IGDCC3: variants seen among roughly 807,000 people sequenced by gnomAD.
The protein encoded by IGDCC3 is putative neuronal cell adhesion molecule.
In IGDCC3, 47 loss-of-function variants were observed where a neutral mutation model predicts 72.0. The observed-to-expected ratio is 0.65, with a 90% CI of 0.52 to 0.83. The LOEUF (loss-of-function observed/expected upper bound fraction) is 0.83, where lower values mean the gene tolerates loss of function less well. IGDCC3 is among the 40% of genes least tolerant of loss of function. IGDCC3 has a pLI of 0.00. For synonymous variants in IGDCC3, 477 were observed against 472.8 expected, an observed-to-expected ratio of 1.01 and a Z score of -0.11; for missense variants, 1,038 against 1,091.3, an observed-to-expected ratio of 0.95 and a Z score of 0.69.
Position 65,351,395 on chromosome 15 carries a change from A to G in IGDCC3, c.410-15439T>C, listed in dbSNP as rs190509459. ...TAAAAATACAAAAAATTAGCTGGGT[A>G]TGGTGGCGGGTGCCTGTAGTCCCAG... On this transcript the variant is annotated intron_variant, in intron 2 of 13. Coordinates refer to ENST00000327987, the MANE Select transcript of IGDCC3 (RefSeq NM_004884.4). Among the ~76,000 whole-genome samples the G allele has an allele frequency of 4.5e-3, 683 of 152,204 alleles. 1 individual carries two copies. The highest frequency in any genetic ancestry group is 5.9e-3 in the Admixed American group (90 of 15,290).
At chr15:65,364,367 C>A (rs1172148395) in intron 2 of IGDCC3, among the ~76,000 whole-genome samples, 1 of 152,166 alleles carries the variant, frequency 6.6e-6, no homozygotes, top group Non-Finnish European at 1.5e-5. Flanking sequence ...TAAATTAGCA[C>A]ACAAAGGGCC....
At chr15:65,360,136 C>T (rs538932660) in intron 2 of IGDCC3, among the ~76,000 whole-genome samples, 2 of 152,334 alleles carry the variant, frequency 1.3e-5, no homozygotes, top group South Asian at 4.1e-4. Context: ...TCTTCTGATT[C>T]CCTCCACCCC....
intron 2 of IGDCC3, among the ~76,000 whole-genome samples, chr15:65,353,066 C>T (rs2091184038): frequency 6.6e-6 from 1 of 152,114 alleles, no homozygotes; most frequent in South Asian, 2.1e-4. Flanking sequence ...CAGCTTGGTT[C>T]CAATAGTTGC....
chr15:65,339,575 A>G lies in IGDCC3; in HGVS notation c.410-3619T>C, dbSNP rs187414172. 1.6e-4 allele frequency among the ~76,000 whole-genome samples: 25 copies of G among 152,294 alleles called. No individual in the cohort carries two copies. Among genetic ancestry groups the G allele is most frequent in the African/African-American group, 6.0e-4 (25 of 41,566 alleles). ...GCCAGCAGGCCACAGAGCCGGGTGG[A>G]CTGTCCCTCATTATGTCTCTCTAGG... On this transcript the variant is annotated intron_variant, in intron 2 of 13. Transcript: ENST00000327987. This position sits in a 1 kb window ranked among gnomAD's most constrained non-coding sequence, Gnocchi z 4.1.
Position 65,328,771 on chromosome 15 carries a change from A to G in IGDCC3, c.*138T>C. The stretch of plus-strand genomic sequence containing the variant: ...CCTGTCAAGGCTGCCTTGGGTTTTG[A>G]CAACCCAAGAGGCAGTCAGGATAGA... On this transcript the variant is annotated 3_prime_UTR_variant, in exon 14 of 14. Coordinates refer to ENST00000327987, the MANE Select transcript of IGDCC3 (RefSeq NM_004884.4). 8.6e-7 allele frequency: 1 copy of G among 1,156,768 alleles called. No individual in the cohort carries two copies. The highest frequency in any genetic ancestry group is 1.2e-6 in the Non-Finnish European group (1 of 866,108). 71.7% of individuals were successfully genotyped at this position (1,156,768 alleles called of 1,614,324 possible).
chr15:65,340,789 T>G (rs2091073886), intron 2 of IGDCC3, among the ~76,000 whole-genome samples: 5 of 152,196 alleles, frequency 3.3e-5, no homozygotes, highest in Admixed American at 3.3e-4. Context: ...AGTGCAGTGG[T>G]GAGATCTCAG....
intron 2 of IGDCC3, among the ~76,000 whole-genome samples, chr15:65,358,806 T>C (rs1057288618): frequency 6.6e-6 from 1 of 152,030 alleles, no homozygotes; most frequent in Non-Finnish European, 1.5e-5. Flanking sequence ...AAAAGTGCTT[T>C]GATTTAGTTT....
chr15:65,346,584 G>A (rs990772318), intron 2 of IGDCC3, among the ~76,000 whole-genome samples: 5 of 152,130 alleles, frequency 3.3e-5, no homozygotes, highest in Non-Finnish European at 7.4e-5. Flanking sequence ...AGCCTCCCGA[G>A]TAGCTGGGAT....
intron 2 of IGDCC3, among the ~76,000 whole-genome samples, chr15:65,372,178 T>G (rs757169479): frequency 6.6e-6 from 1 of 152,188 alleles, no homozygotes; most frequent in Non-Finnish European, 1.5e-5. Context: ...CAGTGCTTCC[T>G]GCGTGCCAGG....
intron 4 of IGDCC3, 107 bp downstream of exon 4, chr15:65,335,184 C>G: frequency 8.0e-7 from 1 of 1,248,518 alleles, no homozygotes; most frequent in Non-Finnish European, 1.1e-6. Context: ...TCTGCACGCA[C>G]GTGGCTGAGA....
chr15:65,333,877 T>C (rs765353225), intron 5 of IGDCC3, among the ~76,000 whole-genome samples: 1 of 152,176 alleles, frequency 6.6e-6, no homozygotes, highest in Non-Finnish European at 1.5e-5. Context: ...CCTTCCGGCT[T>C]GACAGATCAT....
intron 2 of IGDCC3, among the ~76,000 whole-genome samples, chr15:65,341,343 G>A (rs2140146834): frequency 6.6e-6 from 1 of 152,298 alleles, no homozygotes; most frequent in Admixed American, 6.5e-5. Context: ...ATTAAAAATA[G>A]AATTAGCATG....
At chr15:65,353,751 G>T (rs1407638953) in intron 2 of IGDCC3, among the ~76,000 whole-genome samples, 4 of 152,142 alleles carry the variant, frequency 2.6e-5, no homozygotes, top group Admixed American at 2.6e-4. Context: ...GTTTACAAAG[G>T]CCATGGCAAC....
Position 65,370,620 on chromosome 15 carries a change from GTATATATA to G in IGDCC3, c.409+4469_409+4476del, listed in dbSNP as rs71136346. Among the ~76,000 whole-genome samples, 18 of 94,590 alleles carry G rather than the reference GTATATATA, an allele frequency of 1.9e-4. 1 individual carries two copies. The highest frequency in any genetic ancestry group is 5.9e-4 in the East Asian group (2 of 3,416). The allele number at this position is 94,590 out of a possible 152,430, so 62.1% of individuals were successfully genotyped here. On this transcript the variant is annotated intron_variant, in intron 2 of 13. Coordinates refer to ENST00000327987, the MANE Select transcript of IGDCC3 (RefSeq NM_004884.4). Reference sequence around the variant, plus strand: ...TATGTATGTGTATATATATGTATGTGTATATATATATATATATATATATATATAAAATT... The same window carrying G: ...TATGTATGTGTATATATATGTATGTGTATATATATATATATATATAAAATT...
chr15:65,373,302 G>A (rs1473494883), intron 2 of IGDCC3, among the ~76,000 whole-genome samples: 1 of 152,096 alleles, frequency 6.6e-6, no homozygotes, highest in Admixed American at 6.6e-5. Flanking sequence ...CTCTGTCCAC[G>A]CTTCCCTTCC....
chr15:65,350,441 C>A (rs938997474), intron 2 of IGDCC3, among the ~76,000 whole-genome samples: 1 of 150,628 alleles, frequency 6.6e-6, no homozygotes, highest in African/African-American at 2.4e-5. Context: ...TAAGCCACCA[C>A]GTCCAGCCTG....
chr15:65,370,620 G>GTGTATATATATATATATA (rs1491326161), intron 2 of IGDCC3, among the ~76,000 whole-genome samples: 3 of 94,578 alleles, frequency 3.2e-5, no homozygotes, highest in African/African-American at 1.0e-4. Context: ...ATATGTATGT[G>GTGTATATATATATATATA]TATATATATA....
intron 2 of IGDCC3, among the ~76,000 whole-genome samples, chr15:65,372,866 C>T (rs537331200): frequency 1.3e-4 from 20 of 152,252 alleles, no homozygotes; most frequent in African/African-American, 4.6e-4. Context: ...GTGAGAAAAG[C>T]GGATCCAGCC....
intron 2 of IGDCC3, among the ~76,000 whole-genome samples, chr15:65,347,892 C>A (rs540710647): frequency 2.0e-5 from 3 of 152,132 alleles, no homozygotes; most frequent in Non-Finnish European, 4.4e-5. Context: ...GCCGAGGTCA[C>A]GCCATTGCAC....
Sources: allele counts gnomAD v4.1 joint callset (sites outside exome capture counted in the v4.1 genomes callset), GRCh38; gene constraint gnomAD v4.1.1; non-coding constraint Gnocchi (gnomAD v3.1); transcripts MANE v1.5; gene names NCBI Gene and HGNC (gene_info 2026-07-23, HGNC 2026-07-21).